Variants in SH3BGRL observed in about 807,000 individuals in gnomAD.
SH3BGRL encodes SH3 domain binding glutamate rich protein like.
SH3BGRL carries 7 observed loss-of-function variants against 9.8 expected under a neutral mutation model. The ratio of observed to expected loss-of-function variants is 0.72; its 90% confidence interval spans 0.41 to 1.35. The LOEUF (loss-of-function observed/expected upper bound fraction) is 1.35, where lower values mean the gene tolerates loss of function less well. SH3BGRL is among the 40% of genes most tolerant of loss of function. SH3BGRL has a pLI of 0.01. For missense variants in SH3BGRL, 73 were observed against 84.4 expected (o/e 0.86, Z 0.53); for synonymous variants, 36 against 29.1 (o/e 1.24, Z -0.76).
At chrX:81,279,477 G>A (rs1282747154) in intron 3 of SH3BGRL, among the ~76,000 whole-genome samples, 1 of 111,082 alleles carries the variant, frequency 9.0e-6, no homozygotes, top group Non-Finnish European at 1.9e-5. Context: ...GACTGCTCAT[G>A]TAGGACTCAG....
intron 1 of SH3BGRL, among the ~76,000 whole-genome samples, chrX:81,239,050 A>T (rs1429721420): frequency 8.9e-6 from 1 of 112,079 alleles, no homozygotes; most frequent in Non-Finnish European, 1.9e-5. Context: ...CTTTTCTAAG[A>T]AAGAGAGGTA....
intron 3 of SH3BGRL, among the ~76,000 whole-genome samples, chrX:81,296,700 G>A (rs2075876317): frequency 8.9e-6 from 1 of 111,773 alleles, no homozygotes. Flanking sequence ...TCCTATGCTA[G>A]AGGTGAGTAC....
chrX:81,230,824 G>A (rs1476894594), intron 1 of SH3BGRL, among the ~76,000 whole-genome samples: 1 of 111,732 alleles, frequency 8.9e-6, no homozygotes, highest in African/African-American at 3.3e-5. Flanking sequence ...GACGCATGAA[G>A]ATAAGTCTGT....
chrX:81,255,210 A>T (rs752770179), intron 1 of SH3BGRL, among the ~76,000 whole-genome samples: 1 of 111,943 alleles, frequency 8.9e-6, no homozygotes, highest in Admixed American at 9.4e-5. Flanking sequence ...AAAAAGCAAA[A>T]TTGCAATCAT....
intron 3 of SH3BGRL, among the ~76,000 whole-genome samples, chrX:81,280,529 T>A (rs2075813168): frequency 9.0e-6 from 1 of 111,662 alleles, no homozygotes; most frequent in Non-Finnish European, 1.9e-5. Context: ...CCAACCAGGA[T>A]CTGGGTAGAC....
At position 81,297,394 on chromosome X, in the gene SH3BGRL, CATTATGGTG is replaced by C; in HGVS notation, c.*178_*186del. The C allele has an allele frequency of 2.4e-5, 10 of 414,734 alleles. No homozygotes were observed. Among genetic ancestry groups the C allele is most frequent in the Non-Finnish European group, 3.8e-5 (9 of 237,366 alleles). 34.2% of individuals were successfully genotyped at this position (414,734 alleles called of 1,213,427 possible). ...AATGAATACAAAATTAAAATTTGAA[CATTATGGTG>C]ATTATGGTGAGGAGAATGGGATATT... On this transcript the variant is annotated 3_prime_UTR_variant, in exon 4 of 4. Coordinates refer to ENST00000373212, the MANE Select transcript of SH3BGRL (RefSeq NM_003022.3).
chrX:81,204,556 G>C (rs968009760), intron 1 of SH3BGRL, among the ~76,000 whole-genome samples: 3 of 111,097 alleles, frequency 2.7e-5, no homozygotes, highest in African/African-American at 9.9e-5. Context: ...ATTGGTGGTA[G>C]CTGACTGTTT....
At chrX:81,262,222 A>G (rs1178324581) in intron 1 of SH3BGRL, among the ~76,000 whole-genome samples, 1 of 111,146 alleles carries the variant, frequency 9.0e-6, no homozygotes, top group East Asian at 2.8e-4. Context: ...TATTGACTTT[A>G]TTCTAAATAT....
At chrX:81,287,776 A>G (rs1009764917) in intron 3 of SH3BGRL, among the ~76,000 whole-genome samples, 5 of 110,823 alleles carry the variant, frequency 4.5e-5, no homozygotes, top group South Asian at 3.8e-4. Flanking sequence ...TGTTCTGCAC[A>G]TGCAACCCAG....
chrX:81,296,448 A>C (rs996258838), intron 3 of SH3BGRL, among the ~76,000 whole-genome samples: 4 of 111,350 alleles, frequency 3.6e-5, no homozygotes, highest in Non-Finnish European at 7.5e-5. Flanking sequence ...GTAAAAATCT[A>C]GTGTCTCTTT....
At chrX:81,211,584 C>A (rs184548214) in intron 1 of SH3BGRL, among the ~76,000 whole-genome samples, 86 of 108,840 alleles carry the variant, frequency 7.9e-4, no homozygotes, top group African/African-American at 2.6e-3. Context: ...GAGACTCCGT[C>A]TCAAAAAAAA....
intron 1 of SH3BGRL, among the ~76,000 whole-genome samples, chrX:81,246,691 A>G (rs761350134): frequency 1.6e-3 from 176 of 110,966 alleles, no homozygotes; most frequent in African/African-American, 5.7e-3. Flanking sequence ...TACCAGTACC[A>G]TGCTGGTTTG....
chrX:81,231,861 C>T (rs2075633804), intron 1 of SH3BGRL, among the ~76,000 whole-genome samples: 1 of 112,115 alleles, frequency 8.9e-6, no homozygotes, highest in African/African-American at 3.2e-5. Flanking sequence ...TTAATAAAAT[C>T]ATTTGCATGG....
intron 3 of SH3BGRL, among the ~76,000 whole-genome samples, chrX:81,280,863 A>C (rs181094414): frequency 9.0e-6 from 1 of 111,722 alleles, no homozygotes; most frequent in African/African-American, 3.2e-5. Flanking sequence ...GTTAGTTATT[A>C]AGCTAATCAG....
intron 1 of SH3BGRL, among the ~76,000 whole-genome samples, chrX:81,226,631 A>G (rs2075618212): frequency 9.5e-6 from 1 of 105,331 alleles, no homozygotes; most frequent in Non-Finnish European, 1.9e-5. Flanking sequence ...TTTTATTAAT[A>G]TTTATATTTA....
At chrX:81,249,242 A>G (rs1949172646) in intron 1 of SH3BGRL, among the ~76,000 whole-genome samples, 1 of 112,594 alleles carries the variant, frequency 8.9e-6, no homozygotes, top group African/African-American at 3.2e-5. Context: ...TTGATTGAAT[A>G]ATTCTTAATT....
intron 1 of SH3BGRL, among the ~76,000 whole-genome samples, chrX:81,242,489 ACT>A (rs1018448618): frequency 3.6e-5 from 4 of 111,967 alleles, no homozygotes; most frequent in South Asian, 7.4e-4. Context: ...ATTGGGGGAA[ACT>A]CTTTAGGATA....
At chrX:81,213,383 A>G (rs762543238) in intron 1 of SH3BGRL, among the ~76,000 whole-genome samples, 9 of 112,374 alleles carry the variant, frequency 8.0e-5, no homozygotes, top group Non-Finnish European at 1.7e-4. Context: ...AATATATAGC[A>G]ATTTTTATTT....
intron 3 of SH3BGRL, among the ~76,000 whole-genome samples, chrX:81,287,311 A>T (rs1197469782): frequency 8.0e-5 from 9 of 111,961 alleles, no homozygotes; most frequent in Admixed American, 6.7e-4. Flanking sequence ...TACTGCAGGA[A>T]TTCAAAGGAT....
Sources: allele counts gnomAD v4.1 joint callset (sites outside exome capture counted in the v4.1 genomes callset), GRCh38; gene constraint gnomAD v4.1.1; transcripts MANE v1.5; gene names NCBI Gene and HGNC (gene_info 2026-07-23, HGNC 2026-07-21).